Variants in MYLK4 observed in about 807,000 individuals in gnomAD.
MYLK4 encodes myosin light chain kinase family member 4.
A neutral mutation model predicts 48.1 loss-of-function variants in MYLK4; 46 were observed. The observed-to-expected ratio is 0.96, with a 90% confidence interval of 0.75 to 1.22. The LOEUF is 1.22. Among genes scored for constraint, MYLK4 ranks in the 50% most tolerant of loss-of-function variants. MYLK4 has a pLI of 0.00. For synonymous variants in MYLK4, 170 were observed against 180.8 expected (o/e 0.94, Z 0.48); for missense variants, 451 against 486.1 (o/e 0.93, Z 0.68).
At position 2,749,219 on chromosome 6, in the gene MYLK4, G is replaced by GA. The variant is rs762913642; in HGVS notation, c.75dup (p.Gln26SerfsTer27). On this transcript the variant is annotated frameshift_variant, in exon 2 of 13. Coordinates refer to ENST00000274643, the MANE Select transcript of MYLK4 (RefSeq NM_001012418.5). LOFTEE classifies it high-confidence loss of function. ...ACTTTCTCCACCTCTTCCCTGCACT[G>GA]AAAAAAGGCCATTTTCTCCAGCTGG... 1.5e-4 allele frequency: 240 copies of GA among 1,613,852 alleles called. No individual in the cohort carries two copies. Among genetic ancestry groups the GA allele is most frequent in the Non-Finnish European group, 1.9e-4 (226 of 1,179,930 alleles).
chr6:2,675,277 T>C, intron 10 of MYLK4, 152 bp from the exon 11 acceptor site: 1 of 653,074 alleles, frequency 1.5e-6, no homozygotes, highest in Non-Finnish European at 2.8e-6. Context: ...TTGTGTGCTA[T>C]CAATGATGGC....
the MYLK4 span, among the ~76,000 whole-genome samples, chr6:2,761,746 C>T: frequency 4.6e-5 from 7 of 152,116 alleles, no homozygotes; most frequent in South Asian, 1.0e-3. Flanking sequence ...TCATTTTCAC[C>T]TCATAGGTCA....
chr6:2,675,147 G>C (rs759936917), intron 10 of MYLK4, 22 bp from the exon 11 acceptor site: 1 of 1,587,296 alleles, frequency 6.3e-7, no homozygotes, highest in East Asian at 2.2e-5. Context: ...TTCAGAAGGT[G>C]ATTAGTAGAA....
intron 2 of MYLK4, among the ~76,000 whole-genome samples, chr6:2,745,998 A>G (rs542272901): frequency 5.4e-4 from 82 of 152,164 alleles, no homozygotes; most frequent in African/African-American, 2.0e-3. Context: ...CACGCCTGTA[A>G]TCTCAGCACT....
rs1181081389 is a variant in MYLK4, at chr6:2,667,450, C to T, written c.*475G>A. On this transcript the variant is annotated 3_prime_UTR_variant, in exon 13 of 13. Transcript: ENST00000274643. Reference sequence around the variant, plus strand: ...CCAAGGGTGCATGGGAGTCAGAATTCTTTCTGGCCATCTAATTGCCCCTTC... The same window carrying T: ...CCAAGGGTGCATGGGAGTCAGAATTTTTTCTGGCCATCTAATTGCCCCTTC... 6.6e-6 allele frequency: 1 copy of T among 152,160 alleles called. No homozygotes were observed. The highest frequency in any genetic ancestry group is 6.5e-5 in the Admixed American group (1 of 15,268). 9.4% of individuals were successfully genotyped at this position (152,160 alleles called of 1,614,324 possible).
At chr6:2,742,303 C>T (rs1028602468) in intron 2 of MYLK4, among the ~76,000 whole-genome samples, 5 of 152,146 alleles carry the variant, frequency 3.3e-5, no homozygotes, top group Admixed American at 1.3e-4. Context: ...AACAAGATGC[C>T]GAGTTGGTGG....
At chr6:2,740,742 A>G (rs778800872) in intron 2 of MYLK4, among the ~76,000 whole-genome samples, 1 of 152,152 alleles carries the variant, frequency 6.6e-6, no homozygotes, top group Non-Finnish European at 1.5e-5. Context: ...TCCTACATAA[A>G]CTTTACCTGT....
chr6:2,691,684 A>G (rs1761806706), intron 3 of MYLK4, among the ~76,000 whole-genome samples: 1 of 152,218 alleles, frequency 6.6e-6, no homozygotes, highest in African/African-American at 2.4e-5. Context: ...TAAAAATGAA[A>G]CTGTTTTACT....
chr6:2,668,653 C>T (rs1359160820), intron 12 of MYLK4, among the ~76,000 whole-genome samples: 1 of 152,142 alleles, frequency 6.6e-6, no homozygotes, highest in Admixed American at 6.5e-5. Context: ...TGCCATAAAC[C>T]CATCTCATCC....
At chr6:2,728,597 G>A (rs1442335552) in intron 2 of MYLK4, among the ~76,000 whole-genome samples, 2 of 152,150 alleles carry the variant, frequency 1.3e-5, no homozygotes, top group Non-Finnish European at 2.9e-5. Flanking sequence ...CCTGGCCCCA[G>A]TGGCTCCCCA....
intron 2 of MYLK4, among the ~76,000 whole-genome samples, chr6:2,708,014 C>T (rs935967451): frequency 7.9e-5 from 12 of 152,060 alleles, no homozygotes; most frequent in Non-Finnish European, 1.3e-4. Flanking sequence ...AATCTTTTCC[C>T]CTGGATGATT....
intron 12 of MYLK4, among the ~76,000 whole-genome samples, chr6:2,670,358 T>A (rs1760836073): frequency 8.4e-6 from 1 of 118,484 alleles, no homozygotes; most frequent in South Asian, 2.9e-4. Flanking sequence ...AGAGCAAGAC[T>A]CTATCTCAAA....
the MYLK4 span, among the ~76,000 whole-genome samples, chr6:2,762,948 C>G: frequency 9.9e-4 from 151 of 152,220 alleles, 1 homozygote; most frequent in Non-Finnish European, 1.2e-3. Flanking sequence ...CAATTCAGAC[C>G]CAAACACCAG....
intron 4 of MYLK4, among the ~76,000 whole-genome samples, chr6:2,686,791 A>G (rs866086147): frequency 6.6e-6 from 1 of 152,198 alleles, no homozygotes; most frequent in Admixed American, 6.5e-5. Context: ...CGTGACTTCA[A>G]TTCCAACCTC....
chr6:2,698,945 GAAAGTGTTC>G (rs1226951564), intron 2 of MYLK4, among the ~76,000 whole-genome samples: 2 of 152,212 alleles, frequency 1.3e-5, no homozygotes, highest in Non-Finnish European at 2.9e-5. Context: ...TCCAGAAAGG[GAAAGTGTTC>G]ACCTGTTCTC....
chr6:2,724,524 A>T (rs1015075079), intron 2 of MYLK4, among the ~76,000 whole-genome samples: 2 of 152,190 alleles, frequency 1.3e-5, no homozygotes, highest in South Asian at 4.1e-4. Flanking sequence ...GCCAAAAGGG[A>T]AATCATGAAG....
chr6:2,710,910 C>T (rs550019520), intron 2 of MYLK4, among the ~76,000 whole-genome samples: 11 of 152,190 alleles, frequency 7.2e-5, no homozygotes, highest in Non-Finnish European at 1.3e-4. Flanking sequence ...CAGCAATGTC[C>T]GAGGTAATAA....
intron 2 of MYLK4, among the ~76,000 whole-genome samples, chr6:2,696,737 G>A (rs1419645793): frequency 6.6e-6 from 1 of 152,196 alleles, no homozygotes; most frequent in South Asian, 2.1e-4. Flanking sequence ...ACATATAAAA[G>A]TATCTCTGAC....
rs6941573 is a variant in MYLK4 at position 2,666,029 on chromosome 6, A to G, written c.*1896T>C. ...TCGGATAAATGCAAGGCCAAAGGAG[A>G]AAAAGAAACGCATCATAATGTAAGA... On this transcript the variant is annotated 3_prime_UTR_variant, in exon 13 of 13. Transcript: ENST00000274643. The G allele has an allele frequency of 0.37, 56,387 of 151,966 alleles. 10,743 individuals are homozygous for G. Among genetic ancestry groups the G allele is most frequent in the Non-Finnish European group, 0.4 (27,428 of 67,958 alleles). 9.4% of individuals were successfully genotyped at this position (151,966 alleles called of 1,614,324 possible). A position where few individuals can be genotyped will look rare whatever the true frequency, so the allele number is the denominator to read the frequency against.
Sources: gnomAD v4.1 joint callset for allele counts (sites outside exome capture counted in the v4.1 genomes callset) on GRCh38, gnomAD v4.1.1 for gene constraint, MANE v1.5 for transcripts, NCBI Gene and HGNC (gene_info 2026-07-23, HGNC 2026-07-21) for gene names.